The following OTUD7A variants were observed in gnomAD, a reference collection of about 807,000 sequenced individuals.
OTUD7A encodes the protein OTU deubiquitinase 7A.
A neutral mutation model predicts 65.7 loss-of-function variants in OTUD7A; 12 were observed. That is an observed-to-expected ratio of 0.18 (90% CI 0.12 to 0.30). OTUD7A has a LOEUF of 0.30. Among genes scored for constraint, OTUD7A ranks in the 10% least tolerant of loss-of-function variants. The pLI is 1.00. For synonymous variants in OTUD7A, 641 were observed against 586.3 expected, an observed-to-expected ratio of 1.09 and a Z score of -1.35; for missense variants, 1,148 against 1,304.8, an observed-to-expected ratio of 0.88 and a Z score of 1.85.
chr15:31,717,898 G>A (rs535060834), intron 1 of OTUD7A, among the ~76,000 whole-genome samples: 10 of 152,264 alleles, frequency 6.6e-5, no homozygotes, highest in South Asian at 4.1e-4. Context: ...CCTCTCCAGC[G>A]TCTGTTGTTT....
At chr15:31,566,228 T>C (rs1413032463) in intron 4 of OTUD7A, among the ~76,000 whole-genome samples, 3 of 151,708 alleles carry the variant, frequency 2.0e-5, no homozygotes, top group East Asian at 1.9e-4. Context: ...ATTTCAGTAA[T>C]TCTGTAGTCC....
intron 1 of OTUD7A, among the ~76,000 whole-genome samples, chr15:31,688,306 C>T (rs1444695446): frequency 1.3e-5 from 2 of 151,976 alleles, no homozygotes; most frequent in Non-Finnish European, 2.9e-5. Flanking sequence ...CCACGGTGTG[C>T]CCACTGATGT....
chr15:31,685,455 C>A (rs1892813841), intron 1 of OTUD7A, among the ~76,000 whole-genome samples: 1 of 151,592 alleles, frequency 6.6e-6, no homozygotes, highest in Non-Finnish European at 1.5e-5. Context: ...ACTATCCTGG[C>A]TAACACGGTG....
At chr15:31,593,464 G>C (rs1439881720) in intron 3 of OTUD7A, among the ~76,000 whole-genome samples, 1 of 152,144 alleles carries the variant, frequency 6.6e-6, no homozygotes, top group African/African-American at 2.4e-5. Flanking sequence ...TGGATGCAAA[G>C]CTGGCAGGCT....
intron 1 of OTUD7A, among the ~76,000 whole-genome samples, chr15:31,750,233 G>A (rs994361402): frequency 6.6e-6 from 1 of 151,766 alleles, no homozygotes; most frequent in African/African-American, 2.4e-5. Context: ...CATGGTGAAA[G>A]CCTGTCTCTA....
intron 1 of OTUD7A, among the ~76,000 whole-genome samples, chr15:31,693,922 T>C (rs1446341966): frequency 6.6e-6 from 1 of 152,204 alleles, no homozygotes; most frequent in Non-Finnish European, 1.5e-5. Context: ...CTGGTGAAGA[T>C]GAAAAGGGAC....
intron 1 of OTUD7A, among the ~76,000 whole-genome samples, chr15:31,788,743 A>G (rs1182845822): frequency 6.6e-6 from 1 of 152,170 alleles, no homozygotes; most frequent in Admixed American, 6.5e-5. Flanking sequence ...GAGAAAAGGT[A>G]CCCTTAGAAC....
At chr15:31,802,232 G>A (rs1238353988) in intron 1 of OTUD7A, among the ~76,000 whole-genome samples, 1 of 151,854 alleles carries the variant, frequency 6.6e-6, no homozygotes, top group Admixed American at 6.6e-5. Flanking sequence ...TGTGGGGCAA[G>A]GAGAGCCATT....
intron 1 of OTUD7A, among the ~76,000 whole-genome samples, chr15:31,808,136 C>CACACACACACACACAAAAAAAA (rs772574742): frequency 8.4e-6 from 1 of 119,514 alleles, no homozygotes. Flanking sequence ...CACACACACA[C>CACACACACACACACAAAAAAAA]AAACAAATCC....
At position 31,555,658 on chromosome 15, in the gene OTUD7A, G is replaced by C. The variant is rs115466634; in HGVS notation, c.550+3311C>G. Among the ~76,000 whole-genome samples the C allele has an allele frequency of 9.0e-3, 1,377 of 152,222 alleles. 28 individuals carry two copies. Among genetic ancestry groups the C allele is most frequent in the African/African-American group, 0.032 (1,325 of 41,526 alleles). ...GCACTGGCCGGCTGAGGGTCTTCACGTGAGTCTGAGCATAGCAGGGCACTG... is the reference window on the plus strand; with the variant it reads ...GCACTGGCCGGCTGAGGGTCTTCACCTGAGTCTGAGCATAGCAGGGCACTG... On this transcript the variant is annotated intron_variant, in intron 5 of 12. Coordinates refer to ENST00000307050, the MANE Select transcript of OTUD7A (RefSeq NM_001382637.1).
At chr15:31,731,601 T>C (rs1894044705) in intron 1 of OTUD7A, among the ~76,000 whole-genome samples, 1 of 152,210 alleles carries the variant, frequency 6.6e-6, no homozygotes, top group Non-Finnish European at 1.5e-5. Flanking sequence ...GTGAAACTAC[T>C]CTGTATGATA....
chr15:31,651,527 C>G (rs1329796482), intron 3 of OTUD7A, among the ~76,000 whole-genome samples: 4 of 150,546 alleles, frequency 2.7e-5, no homozygotes, highest in African/African-American at 9.8e-5. Context: ...ATAAAACTGT[C>G]CTTACTCACA....
intron 1 of OTUD7A, among the ~76,000 whole-genome samples, chr15:31,849,476 T>A (rs191048299): frequency 2.0e-5 from 3 of 152,124 alleles, no homozygotes; most frequent in African/African-American, 7.2e-5. Context: ...GCAATACCAT[T>A]CAGGACATAG....
chr15:31,484,304 G>A lies in OTUD7A; in HGVS notation c.1792C>T (p.Pro598Ser). Reference protein sequence around the residue: ...TSPSEKTTPSPTDKAAGASPA... With the variant: ...TSPSEKTTPSSTDKAAGASPA... ...GACGCGCCCGCTGCCTTGTCTGTGG[G>A]CGACGGCGTGGTCTTTTCCGACGGC... The change falls in exon 13 of 13, where the codon CCC becomes TCC. Residue 598 changes from proline (P) to serine (S), a missense_variant. Pro to Ser is a moderately conservative substitution (Grantham distance 74). This residue lies in a region of OTUD7A where 842 missense variants were observed against 769.5 expected (regional missense o/e 1.09). Transcript: ENST00000307050. This position sits in a 1 kb window ranked among gnomAD's most constrained non-coding sequence, Gnocchi z 4.5. The A allele has an allele frequency of 6.3e-7, 1 of 1,596,178 alleles. No individual in the cohort carries two copies. Among genetic ancestry groups the A allele is most frequent in the Admixed American group, 1.7e-5 (1 of 58,896 alleles).
Position 31,570,069 on chromosome 15 carries a change from C to T in OTUD7A, c.280G>A (p.Gly94Arg), listed in dbSNP as rs564035759. ...AGGCAGGGTCGCTCCACCTTGTGCC[C>T]GGGCTGTGGCTCTCGCTCTGGCTGC... ...PKQPEREPQPGHKVERPCLQR... is the reference protein window; with the variant it reads ...PKQPEREPQPRHKVERPCLQR... Residue 94 changes from glycine (G) to arginine (R), a missense_variant, in exon 4 of 13, where the codon GGG becomes AGG. Gly to Arg is a moderately radical substitution (Grantham distance 125). This residue lies in a region of OTUD7A where 51 missense variants were observed against 46.9 expected (regional missense o/e 1.09). Transcript: ENST00000307050. 27 of 1,614,198 alleles carry T rather than the reference C, an allele frequency of 1.7e-5. No homozygotes were observed. Among genetic ancestry groups the T allele is most frequent in the South Asian group, 4.4e-5 (4 of 91,078 alleles).
intron 3 of OTUD7A, among the ~76,000 whole-genome samples, chr15:31,579,715 T>C (rs919372992): frequency 3.9e-5 from 6 of 152,172 alleles, no homozygotes; most frequent in African/African-American, 1.4e-4. Flanking sequence ...TATATATGTA[T>C]ATATGCACAT....
intron 3 of OTUD7A, among the ~76,000 whole-genome samples, chr15:31,610,605 A>ATTTTTTTTTTT (rs1472216504): frequency 2.3e-4 from 9 of 38,658 alleles, no homozygotes; most frequent in Non-Finnish European, 4.3e-4. Flanking sequence ...ATATATATAT[A>ATTTTTTTTTTT]TATATATATA....
chr15:31,666,869 C>A (rs1245801492), intron 1 of OTUD7A, among the ~76,000 whole-genome samples: 1 of 152,074 alleles, frequency 6.6e-6, no homozygotes, highest in African/African-American at 2.4e-5. Flanking sequence ...AAATTTCCAT[C>A]GTGATTACAT....
chr15:31,571,505 AACT>A (rs1490118116), intron 3 of OTUD7A, among the ~76,000 whole-genome samples: 4 of 152,192 alleles, frequency 2.6e-5, no homozygotes. Flanking sequence ...TCCACCTTCT[AACT>A]AATTCTCTGA....
Sources: gnomAD v4.1 joint callset for allele counts (sites outside exome capture counted in the v4.1 genomes callset) on GRCh38, gnomAD v4.1.1 for gene constraint, gnomAD v4.1.1 regional missense constraint, Gnocchi (gnomAD v3.1) non-coding constraint, MANE v1.5 for transcripts, NCBI Gene and HGNC (gene_info 2026-07-23, HGNC 2026-07-21) for gene names.